ZNF208: variants seen among roughly 807,000 people sequenced by gnomAD.
ZNF208 encodes the protein zinc finger protein 95.
ZNF208 carries 10 observed loss-of-function variants against 12.1 expected under a neutral mutation model. The observed-to-expected ratio is 0.83, with a 90% CI of 0.51 to 1.40. The LOEUF (loss-of-function observed/expected upper bound fraction) is 1.40, where lower values mean the gene tolerates loss of function less well. ZNF208 is among the 40% of genes most tolerant of loss of function. ZNF208 has a pLI of 0.00. For missense variants in ZNF208, 1,652 were observed against 1,485.0 expected, an observed-to-expected ratio of 1.11 and a Z score of -1.85; for synonymous variants, 497 against 488.4, an observed-to-expected ratio of 1.02 and a Z score of -0.23.
At chr19:21,963,940 C>G (rs182796270), downstream of ZNF208, among the ~76,000 whole-genome samples, 1 of 151,820 alleles carries the variant, frequency 6.6e-6, no homozygotes, top group African/African-American at 2.4e-5. Flanking sequence ...AGCAGGGTAA[C>G]TATAGTAAAC....
Sources: gnomAD v4.1 joint callset for allele counts (sites outside exome capture counted in the v4.1 genomes callset) on GRCh38, gnomAD v4.1.1 for gene constraint, MANE v1.5 for transcripts, NCBI Gene and HGNC (gene_info 2026-07-23, HGNC 2026-07-21) for gene names.